Variants in TMPRSS2 observed in about 807,000 individuals in gnomAD.
TMPRSS2 encodes transmembrane protease serine 2.
In TMPRSS2, 59 loss-of-function variants were observed where a neutral mutation model predicts 67.4. The observed-to-expected ratio is 0.88, with a 90% confidence interval of 0.71 to 1.09. The LOEUF is 1.09. TMPRSS2 is among the 50% of genes least tolerant of loss of function. The probability of loss-of-function intolerance (pLI) is 0.00; values close to 1 mark genes in which losing one functional copy is unlikely to be tolerated. For synonymous variants in TMPRSS2, 257 were observed against 257.0 expected, an observed-to-expected ratio of 1.00 and a Z score of 0.00; for missense variants, 668 against 642.7, an observed-to-expected ratio of 1.04 and a Z score of -0.43.
rs1326808897 is a variant in TMPRSS2, at chr21:41,478,795, C to T, written c.683+377G>A. ...TGGCAAACTGGAATGAGCCGGTCACCCTGGCTGGGACACTGAGACATTATC... is the reference window on the plus strand; with the variant it reads ...TGGCAAACTGGAATGAGCCGGTCACTCTGGCTGGGACACTGAGACATTATC... On this transcript the variant is annotated intron_variant, in intron 7 of 13. Coordinates refer to ENST00000332149, the MANE Select transcript of TMPRSS2 (RefSeq NM_005656.4). This position sits in a 1 kb window ranked among gnomAD's most constrained non-coding sequence, Gnocchi z 4.0. Among the ~76,000 whole-genome samples, 1 of 152,190 alleles carries T rather than the reference C, an allele frequency of 6.6e-6. No homozygotes were observed. Among genetic ancestry groups the T allele is most frequent in the Non-Finnish European group, 1.5e-5 (1 of 68,042 alleles).
intron 8 of TMPRSS2, among the ~76,000 whole-genome samples, chr21:41,476,264 C>A (rs567520083): frequency 2.0e-4 from 30 of 152,180 alleles, no homozygotes; most frequent in African/African-American, 5.8e-4. Flanking sequence ...ACGCCACCCC[C>A]CTTTGCTTTC....
chr21:41,504,932 G>A (rs1317717747), intron 1 of TMPRSS2, among the ~76,000 whole-genome samples: 1 of 152,170 alleles, frequency 6.6e-6, no homozygotes, highest in South Asian at 2.1e-4. Flanking sequence ...AAGTAAGGAG[G>A]GGCGGGGAAG....
Position 41,489,541 on chromosome 21 carries a change from T to G in TMPRSS2, c.291A>C (p.Gly97=). ...AGAGTAGGCCAGCGGCCAGCGCAGC[T>G]CCCACGAGGAAGGTCCCCAGGGTCA... ...ITLTLGTFLV[G]AALAAGLLWK... is the part of the protein sequence containing the mutation. Residue 97 remains glycine (G), a synonymous_variant, in exon 4 of 14, where the codon GGA becomes GGC. Coordinates refer to ENST00000332149, the MANE Select transcript of TMPRSS2 (RefSeq NM_005656.4). 3 of 1,614,062 alleles carry G rather than the reference T, an allele frequency of 1.9e-6. No individual in the cohort carries two copies. Among genetic ancestry groups the G allele is most frequent in the Non-Finnish European group, 2.5e-6 (3 of 1,180,016 alleles).
At chr21:41,496,386 T>C (rs543681861) in intron 2 of TMPRSS2, among the ~76,000 whole-genome samples, 200 of 152,370 alleles carry the variant, frequency 1.3e-3, no homozygotes, top group African/African-American at 4.3e-3. Context: ...GTTCACAACA[T>C]GGGCTGTTAG....
At chr21:41,479,011 T>C (rs2091237188) in intron 7 of TMPRSS2, among the ~76,000 whole-genome samples, 161 bp downstream of exon 7, 1 of 152,158 alleles carries the variant, frequency 6.6e-6, no homozygotes, top group Non-Finnish European at 1.5e-5. Context: ...AAGGGCTGCT[T>C]AGAGTAACCA....
intron 2 of TMPRSS2, 23 bp downstream of exon 2, chr21:41,498,096 G>T (rs765588180): frequency 5.1e-6 from 8 of 1,558,734 alleles, no homozygotes; most frequent in Non-Finnish European, 7.1e-6. Context: ...AAAAGGCCAG[G>T]AAGGTAATAA....
intron 12 of TMPRSS2, 141 bp downstream of exon 12, chr21:41,468,255 T>C (rs1191477861): frequency 9.6e-7 from 1 of 1,039,430 alleles, no homozygotes; most frequent in Non-Finnish European, 1.4e-6. Flanking sequence ...GCACTGTTTG[T>C]GGCCGTCACT....
chr21:41,479,344 T>C (rs1235734984), intron 6 of TMPRSS2, 62 bp from the exon 7 acceptor site: 3 of 1,229,554 alleles, frequency 2.4e-6, no homozygotes, highest in South Asian at 2.4e-5. Flanking sequence ...AATCCTATAC[T>C]ATGTCATAAT....
intron 3 of TMPRSS2, among the ~76,000 whole-genome samples, chr21:41,490,623 T>A (rs1159265015): frequency 6.6e-6 from 1 of 152,248 alleles, no homozygotes; most frequent in African/African-American, 2.4e-5. Flanking sequence ...AAAAGGTCAC[T>A]GATTTTTCTC....
rs145297649 is a variant in TMPRSS2, at chr21:41,505,392, T to G, written c.-57+2689A>C. 1.6e-3 allele frequency among the ~76,000 whole-genome samples: 246 copies of G among 152,264 alleles called. 1 individual carries two copies. Among genetic ancestry groups the G allele is most frequent in the African/African-American group, 5.4e-3 (226 of 41,540 alleles). On this transcript the variant is annotated intron_variant, in intron 1 of 13. Coordinates refer to ENST00000332149, the MANE Select transcript of TMPRSS2 (RefSeq NM_005656.4). ...TAAGAGTTATCAGCCAGACTTTTGG[T>G]TTACATTTCCTGGTAGGGGGACAAC...
rs1394527900 is a variant in TMPRSS2, at chr21:41,478,318, A to T, written c.683+854T>A. Among the ~76,000 whole-genome samples, 1 of 152,112 alleles carries T rather than the reference A, an allele frequency of 6.6e-6. No homozygotes were observed. Among genetic ancestry groups the T allele is most frequent in the African/African-American group, 2.4e-5 (1 of 41,420 alleles). On this transcript the variant is annotated intron_variant, in intron 7 of 13. Coordinates refer to ENST00000332149, the MANE Select transcript of TMPRSS2 (RefSeq NM_005656.4). The surrounding 1 kb of genome is among the most constrained non-coding windows in gnomAD (Gnocchi z 4.0). Reference sequence around the variant, plus strand: ...CTCAGAGGAAAGGTGGCGCGGGGTGATTAGTTCATCCTCCCCCGAAATGCA... The same window carrying T: ...CTCAGAGGAAAGGTGGCGCGGGGTGTTTAGTTCATCCTCCCCCGAAATGCA...
At chr21:41,483,766 C>CT (rs35641122) in intron 5 of TMPRSS2, among the ~76,000 whole-genome samples, 50,113 of 140,814 alleles carry the variant, frequency 0.36, 10,483 homozygotes, top group Non-Finnish European at 0.49. Flanking sequence ...CAAGCTAGTC[C>CT]TTTTTTTTTT....
chr21:41,495,648 A>G (rs1251242129), intron 2 of TMPRSS2, among the ~76,000 whole-genome samples: 2 of 150,524 alleles, frequency 1.3e-5, no homozygotes, highest in Admixed American at 6.6e-5. Flanking sequence ...AAAAACCACT[A>G]TGAAAACAGT....
chr21:41,484,021 A>AG (rs1569019347), intron 5 of TMPRSS2, among the ~76,000 whole-genome samples: 1 of 152,012 alleles, frequency 6.6e-6, no homozygotes, highest in Non-Finnish European at 1.5e-5. Flanking sequence ...CAGGAGGCTG[A>AG]GGGGGAAGGA....
rs369948528 is a variant in TMPRSS2, at chr21:41,502,296, C to T, written c.-56-4107G>A. ...TACTTTCCAAACAACCAAGCCAACG[C>T]GAATGAAGTTAGGCTTGTAGACACT... On this transcript the variant is annotated intron_variant, in intron 1 of 13. Coordinates refer to ENST00000332149, the MANE Select transcript of TMPRSS2 (RefSeq NM_005656.4). 24 of 812,480 alleles carry T rather than the reference C, an allele frequency of 3.0e-5. No homozygotes were observed. The South Asian group carries it at 5.6e-4, about 19-fold the overall frequency. 50.3% of individuals were successfully genotyped at this position (812,480 alleles called of 1,614,324 possible).
rs1434222298 is a variant in TMPRSS2 at position 41,494,452 on chromosome 21, G to A, written c.142C>T (p.Pro48Ser). ...ACCCTCGGGGCGTACTGGGGCACGG[G>A]GGACGGGTAGTACTGAGCCGGATGC... ...EVHPAQYYPSPVPQYAPRVLT... is the reference protein window; with the variant it reads ...EVHPAQYYPSSVPQYAPRVLT... The change falls in exon 3 of 14, where the codon CCC (proline) becomes TCC (serine). Residue 48 changes from proline (P) to serine (S), a missense_variant. Coordinates refer to ENST00000332149, the MANE Select transcript of TMPRSS2 (RefSeq NM_005656.4). The A allele has an allele frequency of 1.2e-6, 2 of 1,613,764 alleles. No individual in the cohort carries two copies. Among genetic ancestry groups the A allele is most frequent in the Non-Finnish European group, 8.5e-7 (1 of 1,179,920 alleles).
In TMPRSS2 at chr21:41,508,154, T is replaced by A; in HGVS notation, c.-130A>T. On this transcript the variant is annotated 5_prime_UTR_variant, in exon 1 of 14. Coordinates refer to ENST00000332149, the MANE Select transcript of TMPRSS2 (RefSeq NM_005656.4). ...CTCCGCCTCCTGCTTAGCTCGCGCC[T>A]ACTCGGCCCGGCCCGCCCTGGCTCT... The A allele has an allele frequency of 1.4e-6, 1 of 721,460 alleles. No homozygotes were observed. Among genetic ancestry groups the A allele is most frequent in the Non-Finnish European group, 2.0e-6 (1 of 506,160 alleles). 44.7% of individuals were successfully genotyped at this position (721,460 alleles called of 1,614,324 possible).
At chr21:41,473,586 C>T (rs1601564852) in intron 8 of TMPRSS2, 90 bp from the exon 9 acceptor site, 1 of 1,403,074 alleles carries the variant, frequency 7.1e-7, no homozygotes. Flanking sequence ...GTCTCCCAGG[C>T]TGCAAGGACA....
At chr21:41,494,629 A>C in intron 2 of TMPRSS2, 51 bp from the exon 3 acceptor site, 1 of 1,500,038 alleles carries the variant, frequency 6.7e-7, no homozygotes, top group Non-Finnish European at 9.3e-7. Flanking sequence ...TTTGCACTAA[A>C]GGGTTACATA....
Sources: allele counts gnomAD v4.1 joint callset (sites outside exome capture counted in the v4.1 genomes callset), GRCh38; gene constraint gnomAD v4.1.1; non-coding constraint Gnocchi (gnomAD v3.1); transcripts MANE v1.5; gene names NCBI Gene and HGNC (gene_info 2026-07-23, HGNC 2026-07-21).